The following WDR70 variants were observed in gnomAD, a reference collection of about 807,000 sequenced individuals.
WDR70 encodes the protein WD repeat-containing protein 70.
WDR70 carries 53 observed loss-of-function variants against 88.6 expected under a neutral mutation model. The observed-to-expected ratio is 0.60, with a 90% CI of 0.48 to 0.75. WDR70 has a LOEUF of 0.75. Ranked by LOEUF, WDR70 falls within the 30% of genes least tolerant of loss-of-function variation. WDR70 has a pLI of 0.00. For synonymous variants in WDR70, 280 were observed against 270.0 expected (o/e 1.04, Z -0.36); for missense variants, 610 against 823.2 (o/e 0.74, Z 3.17).
At chr5:37,500,333 A>T (rs1740369673) in intron 8 of WDR70, among the ~76,000 whole-genome samples, 1 of 152,178 alleles carries the variant, frequency 6.6e-6, no homozygotes, top group Non-Finnish European at 1.5e-5. Context: ...TTATTTACTC[A>T]TCAATTGATG....
chr5:37,484,523 T>C (rs1168471860), intron 8 of WDR70, among the ~76,000 whole-genome samples: 1 of 152,082 alleles, frequency 6.6e-6, no homozygotes, highest in Non-Finnish European at 1.5e-5. Flanking sequence ...CAGCTTCGGC[T>C]TGGCATCAGA....
chr5:37,749,189 A>G (rs1211938843), intron 17 of WDR70, among the ~76,000 whole-genome samples: 5 of 152,214 alleles, frequency 3.3e-5, no homozygotes, highest in Non-Finnish European at 7.3e-5. Flanking sequence ...TTACAGTAGC[A>G]AAGACATGGA....
chr5:37,443,190 C>T, intron 6 of WDR70, 49 bp from the exon 7 acceptor site: 1 of 1,545,178 alleles, frequency 6.5e-7, no homozygotes, highest in South Asian at 1.2e-5. Context: ...TTATAATTGA[C>T]CATATGTCAT....
intron 9 of WDR70, among the ~76,000 whole-genome samples, chr5:37,551,241 G>A (rs1334038471): frequency 6.6e-6 from 1 of 151,702 alleles, no homozygotes; most frequent in Admixed American, 6.6e-5. Flanking sequence ...GGAGGCAGAG[G>A]TTGCGGTGAG....
At chr5:37,499,347 C>T (rs1740326028) in intron 8 of WDR70, among the ~76,000 whole-genome samples, 1 of 151,936 alleles carries the variant, frequency 6.6e-6, no homozygotes, top group South Asian at 2.1e-4. Context: ...CTCCTGACCT[C>T]AAGTGATCTG....
chr5:37,555,519 A>T (rs1742270793), intron 9 of WDR70, among the ~76,000 whole-genome samples: 1 of 152,156 alleles, frequency 6.6e-6, no homozygotes, highest in African/African-American at 2.4e-5. Context: ...CTCACCCCTG[A>T]TTCCCATGCT....
intron 9 of WDR70, among the ~76,000 whole-genome samples, chr5:37,591,198 T>TATA (rs1743523549): frequency 6.6e-6 from 1 of 152,100 alleles, no homozygotes; most frequent in African/African-American, 2.4e-5. Flanking sequence ...CCAGGCATAG[T>TATA]GGCTCGTGCC....
chr5:37,421,651 T>C (rs1040652374), intron 5 of WDR70, among the ~76,000 whole-genome samples: 2 of 152,116 alleles, frequency 1.3e-5, no homozygotes, highest in Non-Finnish European at 2.9e-5. Flanking sequence ...GAAGTGTGTA[T>C]TAATCTTTAT....
intron 10 of WDR70, among the ~76,000 whole-genome samples, chr5:37,633,697 A>G (rs1468360184): frequency 6.6e-6 from 1 of 152,140 alleles, no homozygotes; most frequent in Admixed American, 6.5e-5. Flanking sequence ...TAGACATTTC[A>G]CTGAATCGTA....
chr5:37,484,179 G>A (rs1218957598), intron 8 of WDR70, among the ~76,000 whole-genome samples: 4 of 152,196 alleles, frequency 2.6e-5, no homozygotes, highest in East Asian at 1.9e-4. Context: ...CTGTAATCTC[G>A]GCACTTTGGG....
At chr5:37,682,666 A>G (rs974779702) in intron 10 of WDR70, among the ~76,000 whole-genome samples, 3 of 152,078 alleles carry the variant, frequency 2.0e-5, no homozygotes, top group Non-Finnish European at 4.4e-5. Context: ...TTCTGCCTTA[A>G]TATTATTATT....
intron 6 of WDR70, among the ~76,000 whole-genome samples, chr5:37,438,826 A>G (rs911626750): frequency 6.6e-6 from 1 of 152,138 alleles, no homozygotes; most frequent in Non-Finnish European, 1.5e-5. Flanking sequence ...GAAAAGATGT[A>G]AAAATCTCTT....
chr5:37,745,431 C>T (rs1229839011), intron 17 of WDR70, among the ~76,000 whole-genome samples: 1 of 151,418 alleles, frequency 6.6e-6, no homozygotes, highest in African/African-American at 2.4e-5. Flanking sequence ...CAATACTAAC[C>T]TTAAATGTAA....
chr5:37,465,135 T>C (rs1739114803), intron 7 of WDR70, among the ~76,000 whole-genome samples: 1 of 152,208 alleles, frequency 6.6e-6, no homozygotes, highest in Non-Finnish European at 1.5e-5. Flanking sequence ...AGAATTTTGC[T>C]AAGGACTTCA....
chr5:37,532,761 C>A (rs1346856398), intron 9 of WDR70, among the ~76,000 whole-genome samples: 1 of 152,138 alleles, frequency 6.6e-6, no homozygotes, highest in Non-Finnish European at 1.5e-5. Flanking sequence ...CTTTTTCTGG[C>A]AATTGAGATA....
intron 17 of WDR70, among the ~76,000 whole-genome samples, chr5:37,732,317 T>A (rs1748170038): frequency 6.6e-6 from 1 of 152,146 alleles, no homozygotes; most frequent in African/African-American, 2.4e-5. Flanking sequence ...CATTGGAAGA[T>A]TGGGCCAGAT....
chr5:37,635,477 C>A (rs1021408921), intron 10 of WDR70, among the ~76,000 whole-genome samples: 3 of 152,134 alleles, frequency 2.0e-5, no homozygotes, highest in Non-Finnish European at 4.4e-5. Context: ...TTCAAAAATT[C>A]TTTTTAAAAT....
chr5:37,688,033 G>C, intron 10 of WDR70: 1 of 630,076 alleles, frequency 1.6e-6, no homozygotes, highest in Non-Finnish European at 2.9e-6. Flanking sequence ...TTGTTTACTG[G>C]TATATATATG....
intron 10 of WDR70, among the ~76,000 whole-genome samples, chr5:37,673,902 A>C (rs1746111107): frequency 6.6e-6 from 1 of 152,048 alleles, no homozygotes. Flanking sequence ...TTTGCTAAGG[A>C]TAATGGCCTC....
Sources: allele counts gnomAD v4.1 joint callset (sites outside exome capture counted in the v4.1 genomes callset), GRCh38; gene constraint gnomAD v4.1.1; transcripts MANE v1.5; gene names NCBI Gene and HGNC (gene_info 2026-07-23, HGNC 2026-07-21).